TMEM19: variants seen among roughly 807,000 people sequenced by gnomAD.
The protein encoded by TMEM19 is transmembrane protein 19.
In TMEM19, 21 loss-of-function variants were observed where a neutral mutation model predicts 33.6. That is an observed-to-expected ratio of 0.62 (90% CI 0.44 to 0.90). TMEM19 has a LOEUF of 0.90. Among genes scored for constraint, TMEM19 ranks in the 40% least tolerant of loss-of-function variants. TMEM19 has a pLI of 0.00. For missense variants in TMEM19, 402 were observed against 401.8 expected, an observed-to-expected ratio of 1.00 and a Z score of 0.00; for synonymous variants, 149 against 147.5, an observed-to-expected ratio of 1.01 and a Z score of -0.07.
chr12:71,699,732 C>T (rs1881943542), intron 5 of TMEM19: 1 of 153,558 alleles, frequency 6.5e-6, no homozygotes, highest in Admixed American at 6.5e-5. Context: ...TGCCTATAAT[C>T]CCAGCTACTT....
At chr12:71,700,303 T>G (rs1388747099) in intron 5 of TMEM19, among the ~76,000 whole-genome samples, 1 of 152,132 alleles carries the variant, frequency 6.6e-6, no homozygotes, top group Non-Finnish European at 1.5e-5. Flanking sequence ...TTGCATTGAG[T>G]GGGTTGAAAA....
chr12:71,694,596 G>T (rs1241712195), intron 2 of TMEM19, among the ~76,000 whole-genome samples: 1 of 152,202 alleles, frequency 6.6e-6, no homozygotes, highest in Non-Finnish European at 1.5e-5. Flanking sequence ...TATTCTTGTA[G>T]TCAGGCCACT....
chr12:71,693,534 T>G (rs753865788), intron 2 of TMEM19, among the ~76,000 whole-genome samples: 8 of 152,214 alleles, frequency 5.3e-5, no homozygotes, highest in Non-Finnish European at 7.3e-5. Context: ...ATGGTATCTA[T>G]AGCAATGAAT....
In TMEM19 at chr12:71,698,605, AAAAGAGAG is replaced by A. The variant is rs1460622593; in HGVS notation, c.638-293_638-286del. On this transcript the variant is annotated intron_variant, in intron 4 of 5. Coordinates refer to ENST00000266673, the MANE Select transcript of TMEM19 (RefSeq NM_018279.4). ...TTGATAGAGCAAAACCTTGTCTCTGAAAAGAGAGAGAGAGAGAGAGAGAGAGAGAGAGA... is the reference window on the plus strand; with the variant it reads ...TTGATAGAGCAAAACCTTGTCTCTGAAGAGAGAGAGAGAGAGAGAGAGAGA... Among the ~76,000 whole-genome samples the A allele has an allele frequency of 1.3e-3, 113 of 90,100 alleles. 1 individual carries two copies. The highest frequency in any genetic ancestry group is 6.1e-3 in the African/African-American group (103 of 16,780). 59.1% of individuals were successfully genotyped at this position (90,100 alleles called of 152,430 possible). A position where few individuals can be genotyped will look rare whatever the true frequency, so the allele number is the denominator to read the frequency against.
At chr12:71,690,423 G>A (rs1241301795) in intron 2 of TMEM19, 1 of 152,278 alleles carries the variant, frequency 6.6e-6, no homozygotes, top group Non-Finnish European at 1.5e-5. Context: ...AAAGTGCTGG[G>A]ATTACAGGTA....
At chr12:71,693,359 G>T (rs1229683909) in intron 2 of TMEM19, among the ~76,000 whole-genome samples, 4 of 151,972 alleles carry the variant, frequency 2.6e-5, no homozygotes, top group Non-Finnish European at 4.4e-5. Flanking sequence ...GCCACACCCA[G>T]CTTTTCTTAC....
In TMEM19 at chr12:71,698,180, C is replaced by T. The variant is rs115047154; in HGVS notation, c.637+646C>T. 2.9e-3 allele frequency among the ~76,000 whole-genome samples: 440 copies of T among 152,204 alleles called. 4 individuals carry two copies. Among genetic ancestry groups the T allele is most frequent in the African/African-American group, 0.01 (425 of 41,536 alleles). On this transcript the variant is annotated intron_variant, in intron 4 of 5. Transcript: ENST00000266673. ...TTTTTGTCCTCTGATGCTTCTCTTC[C>T]TCTTCGTCCCCTTCTTTTCTTTCTA... is the stretch of plus-strand genomic sequence containing the variant.
chr12:71,695,550 A>G (rs1881856298), intron 2 of TMEM19, among the ~76,000 whole-genome samples: 2 of 152,270 alleles, frequency 1.3e-5, no homozygotes, highest in African/African-American at 4.8e-5. Flanking sequence ...TTGGATAACA[A>G]TATTGTAATA....
chr12:71,691,605 C>CAAAAAAAAA (rs57138830), intron 2 of TMEM19, among the ~76,000 whole-genome samples: 3 of 49,512 alleles, frequency 6.1e-5, no homozygotes, highest in African/African-American at 1.0e-4. Context: ...TTCACCTCTA[C>CAAAAAAAAA]AAAAAAAAAA....
intron 1 of TMEM19, among the ~76,000 whole-genome samples, chr12:71,687,047 A>G (rs1238335770): frequency 1.3e-5 from 2 of 151,210 alleles, no homozygotes; most frequent in Admixed American, 6.6e-5. Flanking sequence ...TTTATTTTGT[A>G]TAAGATAGGG....
chr12:71,699,365 T>C, intron 5 of TMEM19: 1 of 570,702 alleles, frequency 1.8e-6, no homozygotes, highest in Non-Finnish European at 3.1e-6. Flanking sequence ...ACAGACGTTT[T>C]TGTGTGAGCC....
In TMEM19 at chr12:71,686,348, C is replaced by T. The variant is rs1881686364; in HGVS notation, c.-333C>T. On this transcript the variant is annotated 5_prime_UTR_variant, in exon 1 of 6. Transcript: ENST00000266673. Reference sequence around the variant, plus strand: ...GGGTGGAACTCGCCAGCGCCGGGACCGCGGATTGGCTGCCTCGGCTTTCTC... The same window carrying T: ...GGGTGGAACTCGCCAGCGCCGGGACTGCGGATTGGCTGCCTCGGCTTTCTC... The T allele has an allele frequency of 3.9e-6, 1 of 258,986 alleles. No individual in the cohort carries two copies. Among genetic ancestry groups the T allele is most frequent in the East Asian group, 1.7e-4 (1 of 6,034 alleles). 16.0% of individuals were successfully genotyped at this position (258,986 alleles called of 1,614,324 possible).
intron 2 of TMEM19, 65 bp from the exon 3 acceptor site, chr12:71,696,371 T>C (rs1490552822): frequency 2.3e-6 from 3 of 1,313,562 alleles, no homozygotes; most frequent in Non-Finnish European, 3.0e-6. Context: ...AAAAAATCCA[T>C]TCTTTTTTCA....
chr12:71,697,224 G>A, intron 3 of TMEM19, 56 bp from the exon 4 acceptor site: 1 of 1,547,344 alleles, frequency 6.5e-7, no homozygotes, highest in Non-Finnish European at 8.6e-7. Context: ...ATAACTGCAT[G>A]GTTTTTCTTC....
At chr12:71,695,876 T>G (rs1881862259) in intron 2 of TMEM19, among the ~76,000 whole-genome samples, 1 of 152,222 alleles carries the variant, frequency 6.6e-6, no homozygotes, top group Admixed American at 6.5e-5. Context: ...ATTAATACTT[T>G]ATATCAAGTT....
rs1881964578 is a variant in TMEM19 at position 71,700,833 on chromosome 12, G to A, written c.849G>A (p.Gly283=). 4 of 1,582,294 alleles carry A rather than the reference G, an allele frequency of 2.5e-6. No individual in the cohort carries two copies. Among genetic ancestry groups the A allele is most frequent in the African/African-American group, 1.4e-5 (1 of 73,766 alleles). ...CACTTGCTTCTTTTTCCATTCCAGG[G>A]TTGGATGAAAGCACTGGCATGGTGG... ...SYLGATMQYT[G]LDESTGMVVN... is the part of the protein sequence containing the mutation. The change falls in exon 6 of 6, where the codon GGG becomes GGA. Residue 283 remains glycine (G), a splice_region_variant and synonymous_variant. Transcript: ENST00000266673.
chr12:71,690,850 C>T (rs1310838320), intron 2 of TMEM19, among the ~76,000 whole-genome samples: 1 of 152,118 alleles, frequency 6.6e-6, no homozygotes, highest in Non-Finnish European at 1.5e-5. Flanking sequence ...TAATAGGGCT[C>T]ATTTGACTAG....
chr12:71,694,443 CA>C (rs1334718033), intron 2 of TMEM19, among the ~76,000 whole-genome samples: 5 of 152,156 alleles, frequency 3.3e-5, no homozygotes, highest in Admixed American at 3.3e-4. Context: ...GTCATGTACC[CA>C]GAGTTGATTA....
chr12:71,698,871 G>T, intron 4 of TMEM19, 29 bp from the exon 5 acceptor site: 1 of 1,604,910 alleles, frequency 6.2e-7, no homozygotes, highest in African/African-American at 1.3e-5. Context: ...ATTATTAACC[G>T]GATGATTTTC....
Sources: allele counts gnomAD v4.1 joint callset (sites outside exome capture counted in the v4.1 genomes callset), GRCh38; gene constraint gnomAD v4.1.1; transcripts MANE v1.5; gene names NCBI Gene and HGNC (gene_info 2026-07-23, HGNC 2026-07-21).